The following DPP3 variants were observed in gnomAD, a reference collection of about 807,000 sequenced individuals.
DPP3 encodes the protein DPP III.
A neutral mutation model predicts 89.8 loss-of-function variants in DPP3; 64 were observed. That is an observed-to-expected ratio of 0.71 (90% CI 0.58 to 0.88). The LOEUF is 0.88. Ranked by LOEUF, DPP3 falls within the 40% of genes least tolerant of loss-of-function variation. The pLI, the probability that DPP3 is intolerant of heterozygous loss-of-function variation, is 0.00. For synonymous variants in DPP3, 377 were observed against 404.3 expected (o/e 0.93, Z 0.81); for missense variants, 835 against 972.5 (o/e 0.86, Z 1.88).
chr11:66,502,289 G>T (rs1363404352), intron 16 of DPP3, among the ~76,000 whole-genome samples: 1 of 152,080 alleles, frequency 6.6e-6, no homozygotes, highest in East Asian at 1.9e-4. Context: ...CTGAGGTGAG[G>T]TGGGGGTTGT....
intron 11 of DPP3, 141 bp downstream of exon 11, chr11:66,493,320 G>A: frequency 1.2e-6 from 1 of 849,644 alleles, no homozygotes; most frequent in Non-Finnish European, 1.8e-6. Flanking sequence ...GTGACCGTGT[G>A]GACTTTGGAG....
chr11:66,509,601 A>G lies in DPP3; in HGVS notation c.*350A>G, dbSNP rs201259776. ...GTTCAAAACGTTCTCACCAAATCCA[A>G]TGCTCCTCACATATTAATTTTATAA... On this transcript the variant is annotated 3_prime_UTR_variant, in exon 18 of 18. Transcript: ENST00000531863. The G allele has an allele frequency of 1.6e-4, 103 of 645,416 alleles. No individual in the cohort carries two copies. The highest frequency in any genetic ancestry group is 6.6e-4 in the African/African-American group (37 of 55,972). The allele number at this position is 645,416 out of a possible 1,614,324, so 40.0% of individuals were successfully genotyped here.
chr11:66,482,033 CCTT>C, intron 1 of DPP3, 157 bp from the exon 2 acceptor site: 1 of 1,098,272 alleles, frequency 9.1e-7, no homozygotes, highest in Non-Finnish European at 1.3e-6. Context: ...AGTCATCTCA[CCTT>C]CTCTAAGCCT....
At position 66,495,253 on chromosome 11, in the gene DPP3, A is replaced by G. The variant is rs1855502114; in HGVS notation, c.1437A>G (p.Pro479=). 6.2e-7 allele frequency: 1 copy of G among 1,613,014 alleles called. No homozygotes were observed. Among genetic ancestry groups the G allele is most frequent in the Non-Finnish European group, 8.5e-7 (1 of 1,180,032 alleles). The change falls in exon 13 of 18, where the codon CCA becomes CCG. Residue 479 remains proline, a synonymous_variant. Transcript: ENST00000531863. ...FNFDQETVIN[P]ETGEQIQSWY... The stretch of plus-strand genomic sequence containing the variant: ...TTGACCAGGAAACAGTGATCAACCC[A>G]GAGACGGGCGAGCAGGTGAGGGAGG...
At chr11:66,500,692 G>C (rs1426427102) in intron 16 of DPP3, among the ~76,000 whole-genome samples, 1 of 152,180 alleles carries the variant, frequency 6.6e-6, no homozygotes, top group Admixed American at 6.5e-5. Flanking sequence ...CACCGACACA[G>C]AATCAGTTCT....
chr11:66,497,605 A>C (rs778444635), intron 16 of DPP3, 128 bp downstream of exon 16: 2 of 1,305,200 alleles, frequency 1.5e-6, no homozygotes, highest in African/African-American at 3.0e-5. Flanking sequence ...GCCAGTAAAC[A>C]TGTAAGCGCA....
intron 17 of DPP3, 47 bp from the exon 18 acceptor site, chr11:66,509,032 C>T (rs200138890): frequency 1.9e-6 from 3 of 1,596,450 alleles, no homozygotes; most frequent in Non-Finnish European, 1.7e-6. Context: ...GATTCAGTTT[C>T]CCTATTCAGA....
At position 66,486,690 on chromosome 11, in the gene DPP3, A is replaced by G; in HGVS notation, c.498+13A>G. The stretch of plus-strand genomic sequence containing the variant: ...ACTGGGGAAGGAGGTGAGGCCCCTG[A>G]CTCCCCCGAGGGGACAGGGAGTGGA... On this transcript the variant is annotated intron_variant, in intron 4 of 17. Transcript: ENST00000531863. The G allele has an allele frequency of 6.7e-7, 1 of 1,482,758 alleles. No individual in the cohort carries two copies. The highest frequency in any genetic ancestry group is 9.0e-7 in the Non-Finnish European group (1 of 1,113,120). The allele number at this position is 1,482,758 out of a possible 1,614,324, so 91.9% of individuals were successfully genotyped here.
At chr11:66,509,016 TATG>T in intron 17 of DPP3, 60 bp from the exon 18 acceptor site, 2 of 1,567,770 alleles carry the variant, frequency 1.3e-6, no homozygotes, top group Admixed American at 1.8e-5. Context: ...TTAAGATTTT[TATG>T]ATGATTCAGT....
chr11:66,506,923 C>T (rs1418552504), intron 17 of DPP3, among the ~76,000 whole-genome samples: 3 of 151,970 alleles, frequency 2.0e-5, no homozygotes, highest in African/African-American at 2.4e-5. Flanking sequence ...GCGCCCATCA[C>T]GCTTGCCCAT....
chr11:66,487,592 A>C (rs186011745), intron 5 of DPP3, among the ~76,000 whole-genome samples: 4 of 152,222 alleles, frequency 2.6e-5, no homozygotes, highest in African/African-American at 9.6e-5. Context: ...CAGCTCAGCC[A>C]CTCACCAGCC....
intron 7 of DPP3, 50 bp from the exon 8 acceptor site, chr11:66,491,442 GGT>G: frequency 1.2e-5 from 19 of 1,600,738 alleles, no homozygotes; most frequent in Non-Finnish European, 1.6e-5. Context: ...CAGCAGAGCG[GGT>G]GTGGAGGTGG....
intron 12 of DPP3, among the ~76,000 whole-genome samples, chr11:66,493,845 T>G (rs1252591651): frequency 6.6e-6 from 1 of 152,004 alleles, no homozygotes; most frequent in Non-Finnish European, 1.5e-5. Flanking sequence ...TGGGTGTACA[T>G]CTGGGGCTCA....
chr11:66,502,017 G>A (rs958674524), intron 16 of DPP3, among the ~76,000 whole-genome samples: 2 of 151,626 alleles, frequency 1.3e-5, no homozygotes, highest in African/African-American at 2.4e-5. Context: ...CCAACATGGC[G>A]GCCCGTCTCT....
In DPP3 at chr11:66,492,839, C is replaced by G. The variant is rs1855429395; in HGVS notation, c.1112C>G (p.Pro371Arg). Reference protein sequence around the residue: ...PTFEKDKFLTPDFTSLDVLTF... With the variant: ...PTFEKDKFLTRDFTSLDVLTF... ...TTTGAGAAGGACAAGTTCCTCACCC[C>G]TGACTTCACCTCCCTGGATGTTCTC... The change falls in exon 10 of 18, where the codon CCT (proline) becomes CGT (arginine). Residue 371 changes from proline (P) to arginine (R), a missense_variant. Physicochemically the swap from Pro to Arg is moderately radical, Grantham distance 103. Transcript: ENST00000531863. 6.2e-7 allele frequency: 1 copy of G among 1,614,178 alleles called. No homozygotes were observed. The highest frequency in any genetic ancestry group is 8.5e-7 in the Non-Finnish European group (1 of 1,180,020).
chr11:66,495,094 C>T (rs1397558751), intron 12 of DPP3, 112 bp from the exon 13 acceptor site: 2 of 1,509,684 alleles, frequency 1.3e-6, no homozygotes, highest in African/African-American at 2.7e-5. Flanking sequence ...CCGCCGCCCG[C>T]TCCTGCGCTC....
chr11:66,491,788 T>C (rs1236115400), intron 9 of DPP3, 32 bp downstream of exon 9: 2 of 1,610,986 alleles, frequency 1.2e-6, no homozygotes, highest in Admixed American at 1.7e-5. Flanking sequence ...TCAGTCACAG[T>C]CCCTTCCCCC....
In DPP3 at chr11:66,485,220, C is replaced by T. The variant is rs370446652; in HGVS notation, c.318C>T (p.Tyr106=). Residue 106 remains tyrosine, a synonymous_variant, in exon 3 of 18, where the codon TAC becomes TAT. Transcript: ENST00000531863. ...AAGVYSNMGN[Y]KSFGDTKFVP... is the part of the protein sequence containing the mutation. Reference sequence around the variant, plus strand: ...GTGTTTACTCCAACATGGGCAACTACAAGTCCTTTGGTGACACCAAGTTTG... The same window carrying T: ...GTGTTTACTCCAACATGGGCAACTATAAGTCCTTTGGTGACACCAAGTTTG... 6 of 1,613,986 alleles carry T rather than the reference C, an allele frequency of 3.7e-6. No individual in the cohort carries two copies. Among genetic ancestry groups the T allele is most frequent in the Admixed American group, 3.3e-5 (2 of 59,988 alleles).
At position 66,497,342 on chromosome 11, in the gene DPP3, G is replaced by C. The variant is rs1565273321; in HGVS notation, c.1743G>C (p.Glu581Asp). 3.7e-6 allele frequency: 6 copies of C among 1,614,030 alleles called. No individual in the cohort carries two copies. Among genetic ancestry groups the C allele is most frequent in the Non-Finnish European group, 4.2e-6 (5 of 1,179,988 alleles). The change falls in exon 16 of 18, where the codon GAG becomes GAC. Residue 581 changes from glutamate to aspartate, a missense_variant. By Grantham distance (45) the Glu-to-Asp change is conservative. Coordinates refer to ENST00000531863, the MANE Select transcript of DPP3 (RefSeq NM_130443.4). ...ARFVILRVLL[E>D]AGEGLVTITP... ...TTGTGATCCTGAGAGTCTTGCTGGA[G>C]GCTGGCGAGGGACTCGTTACCATCA...
Sources: allele counts gnomAD v4.1 joint callset (sites outside exome capture counted in the v4.1 genomes callset), GRCh38; gene constraint gnomAD v4.1.1; transcripts MANE v1.5; gene names NCBI Gene and HGNC (gene_info 2026-07-23, HGNC 2026-07-21).